Variants in DENND1B observed in about 807,000 individuals in gnomAD.
The protein encoded by DENND1B is DENN domain containing 1B, also known as DENN domain-containing protein 1B.
In DENND1B, 59 loss-of-function variants were observed where a neutral mutation model predicts 90.1. That is an observed-to-expected ratio of 0.65 (90% CI 0.53 to 0.81). The LOEUF is 0.81. Among genes scored for constraint, DENND1B ranks in the 40% least tolerant of loss-of-function variants. The pLI is 0.00. For synonymous variants in DENND1B, 337 were observed against 324.6 expected (o/e 1.04, Z -0.41); for missense variants, 862 against 912.6 (o/e 0.94, Z 0.71).
chr1:197,595,400 T>A (rs758042524), intron 13 of DENND1B, 67 bp from the exon 14 acceptor site: 244 of 1,574,868 alleles, frequency 1.5e-4, no homozygotes, highest in Non-Finnish European at 1.9e-4. Context: ...AGGAACCCAA[T>A]CAGCAGGCAA....
At chr1:197,613,875 T>C (rs1677401679) in intron 11 of DENND1B, among the ~76,000 whole-genome samples, 1 of 151,024 alleles carries the variant, frequency 6.6e-6, no homozygotes, top group Non-Finnish European at 1.5e-5. Context: ...AATTTCAAAG[T>C]ACATTTTAAT....
chr1:197,556,465 T>C (rs1432841313), intron 15 of DENND1B, among the ~76,000 whole-genome samples: 1 of 152,044 alleles, frequency 6.6e-6, no homozygotes, highest in Non-Finnish European at 1.5e-5. Flanking sequence ...TAAATAAACA[T>C]AGCCTAAAAT....
chr1:197,725,984 A>G (rs953640682), intron 2 of DENND1B, among the ~76,000 whole-genome samples: 51 of 151,950 alleles, frequency 3.4e-4, no homozygotes, highest in African/African-American at 9.9e-4. Flanking sequence ...TGAATGACTC[A>G]GATATATATA....
intron 2 of DENND1B, among the ~76,000 whole-genome samples, chr1:197,740,555 C>T (rs1469780968): frequency 6.6e-6 from 1 of 152,130 alleles, no homozygotes; most frequent in African/African-American, 2.4e-5. Context: ...ATTTTGAAAA[C>T]TATCAAAAGG....
intron 18 of DENND1B, among the ~76,000 whole-genome samples, chr1:197,542,250 G>A (rs561248681): frequency 4.5e-4 from 69 of 152,198 alleles, no homozygotes; most frequent in African/African-American, 1.7e-3. Context: ...ATACAAGTGT[G>A]TATGATAACT....
intron 2 of DENND1B, among the ~76,000 whole-genome samples, chr1:197,759,902 C>A (rs535473352): frequency 2.0e-5 from 3 of 152,198 alleles, no homozygotes; most frequent in Admixed American, 1.3e-4. Context: ...ATTGAAAAAT[C>A]CCTTAACAGC....
intron 13 of DENND1B, among the ~76,000 whole-genome samples, chr1:197,603,087 G>A (rs1676351933): frequency 6.6e-6 from 1 of 151,324 alleles, no homozygotes; most frequent in African/African-American, 2.4e-5. Flanking sequence ...GGTCTACAGT[G>A]ACTTGTACAA....
chr1:197,566,440 G>T (rs1054593683), intron 15 of DENND1B, among the ~76,000 whole-genome samples: 5 of 151,968 alleles, frequency 3.3e-5, no homozygotes, highest in African/African-American at 9.7e-5. Flanking sequence ...CCAAAACAGA[G>T]ATATAGATCA....
At chr1:197,776,011 T>A (rs1258602616), upstream of DENND1B, among the ~76,000 whole-genome samples, 1 of 152,152 alleles carries the variant, frequency 6.6e-6, no homozygotes, top group Non-Finnish European at 1.5e-5. Flanking sequence ...AGCCAAATGG[T>A]AGTGCCCCAC....
intron 16 of DENND1B, among the ~76,000 whole-genome samples, chr1:197,549,122 A>T (rs1671032240): frequency 6.6e-6 from 1 of 152,176 alleles, no homozygotes; most frequent in Non-Finnish European, 1.5e-5. Flanking sequence ...AATAATAGGC[A>T]TTACTGAGGA....
In DENND1B at chr1:197,510,780, T is replaced by G; in HGVS notation, c.2008A>C (p.Lys670Gln). 3 of 1,612,402 alleles carry G rather than the reference T, an allele frequency of 1.9e-6. No individual in the cohort carries two copies. The highest frequency in any genetic ancestry group is 2.5e-6 in the Non-Finnish European group (3 of 1,179,066). Residue 670 changes from lysine (K) to glutamine (Q), a missense_variant, in exon 23 of 23, where the codon AAG (lysine) becomes CAG (glutamine). By Grantham distance (53) the Lys-to-Gln change is moderately conservative. Coordinates refer to ENST00000620048, the MANE Select transcript of DENND1B (RefSeq NM_001195215.2). Reference sequence around the variant, plus strand: ...CTCACATTGTCAGCACCGAGGTGCTTGTTACTGTTTTCCTCTTTCAGGATA... The same window carrying G: ...CTCACATTGTCAGCACCGAGGTGCTGGTTACTGTTTTCCTCTTTCAGGATA... Reference protein sequence around the residue: ...LFILKEENSNKHLGADNVSDP... With the variant: ...LFILKEENSNQHLGADNVSDP...
intron 15 of DENND1B, among the ~76,000 whole-genome samples, chr1:197,580,995 T>C (rs1260837497): frequency 6.6e-6 from 1 of 152,204 alleles, no homozygotes; most frequent in Non-Finnish European, 1.5e-5. Context: ...AATTATATGC[T>C]GCTCTCCTGG....
At chr1:197,736,199 T>C (rs1662671239) in intron 2 of DENND1B, 2 of 445,176 alleles carry the variant, frequency 4.5e-6, no homozygotes, top group Admixed American at 7.0e-5. Flanking sequence ...CCCACTCTTT[T>C]GATTTCAAGC....
chr1:197,743,183 C>T (rs1558469257), intron 2 of DENND1B, among the ~76,000 whole-genome samples: 2 of 152,160 alleles, frequency 1.3e-5, no homozygotes, highest in Non-Finnish European at 2.9e-5. Flanking sequence ...CAGTCTCCAT[C>T]CCAAGCAGAG....
rs1235222394 is a variant in DENND1B, at chr1:197,642,749, C to T, written c.634G>A (p.Glu212Lys). Residue 212 changes from glutamate to lysine, a missense_variant, in exon 10 of 23, where the codon GAA becomes AAA. Transcript: ENST00000620048. ...MLQLYASMLH[E>K]RRIVIISSKL... ...CTCGAGATAATCACGATGCGCCTTT[C>T]ATGCAGCATACTGGCATACAGCTGC... 6.2e-7 allele frequency: 1 copy of T among 1,613,642 alleles called. No homozygotes were observed. Among genetic ancestry groups the T allele is most frequent in the South Asian group, 1.1e-5 (1 of 90,998 alleles).
intron 3 of DENND1B, 89 bp from the exon 4 acceptor site, chr1:197,674,258 A>C: frequency 1.1e-6 from 1 of 899,442 alleles, no homozygotes; most frequent in Non-Finnish European, 1.7e-6. Flanking sequence ...TTTCTAGGAG[A>C]AAAAGATGCT....
intron 13 of DENND1B, among the ~76,000 whole-genome samples, chr1:197,601,306 T>C (rs1171441266): frequency 1.3e-5 from 2 of 151,690 alleles, no homozygotes; most frequent in African/African-American, 4.8e-5. Flanking sequence ...TTCCTCCAGT[T>C]GACTCAATCA....
At chr1:197,665,806 G>A (rs987432242) in intron 5 of DENND1B, among the ~76,000 whole-genome samples, 10 of 152,034 alleles carry the variant, frequency 6.6e-5, no homozygotes, top group African/African-American at 2.4e-4. Flanking sequence ...GCTCACAAAT[G>A]AGAAGATTTT....
intron 16 of DENND1B, among the ~76,000 whole-genome samples, chr1:197,548,754 T>G (rs750099914): frequency 1.3e-5 from 2 of 151,960 alleles, no homozygotes; most frequent in Non-Finnish European, 2.9e-5. Flanking sequence ...CCCAAAGCAA[T>G]TATATTTGAA....
Sources: gnomAD v4.1 joint callset for allele counts (sites outside exome capture counted in the v4.1 genomes callset) on GRCh38, gnomAD v4.1.1 for gene constraint, MANE v1.5 for transcripts, NCBI Gene and HGNC (gene_info 2026-07-23, HGNC 2026-07-21) for gene names.